RORA: variants seen among roughly 807,000 people sequenced by gnomAD.
RORA encodes RAR related orphan receptor A.
In RORA, 7 loss-of-function variants were observed where a neutral mutation model predicts 69.5. The observed-to-expected ratio is 0.10, with a 90% CI of 0.06 to 0.19. The LOEUF is 0.19. Among genes scored for constraint, RORA ranks in the 10% least tolerant of loss-of-function variants. RORA has a pLI of 1.00. For missense variants in RORA, 457 were observed against 663.0 expected (o/e 0.69, Z 3.41); for synonymous variants, 261 against 240.8 (o/e 1.08, Z -0.78).
Position 60,882,857 on chromosome 15 carries a change from T to C in RORA, c.167-204171A>G, listed in dbSNP as rs774532321. Among the ~76,000 whole-genome samples, 14 of 152,302 alleles carry C rather than the reference T, an allele frequency of 9.2e-5. No individual in the cohort carries two copies. In the South Asian group the frequency reaches 2.1e-3, roughly 23 times the overall value. On this transcript the variant is annotated intron_variant, in intron 1 of 10. Coordinates refer to ENST00000335670, the MANE Select transcript of RORA (RefSeq NM_134261.3). ...TTTATAAGCAGAAAGAATAAGAAAC[T>C]ATTTTTATTTTGAAAAACTATATAG...
intron 1 of RORA, among the ~76,000 whole-genome samples, chr15:60,899,119 C>T (rs1256623784): frequency 7.2e-5 from 11 of 152,334 alleles, no homozygotes; most frequent in South Asian, 2.1e-4. Context: ...ACAGAAACCA[C>T]GTCTTATCCT....
intron 1 of RORA, among the ~76,000 whole-genome samples, chr15:60,805,965 A>G (rs1248637199): frequency 6.6e-6 from 1 of 152,234 alleles, no homozygotes; most frequent in Non-Finnish European, 1.5e-5. Flanking sequence ...CGGAGGACCA[A>G]TTCTTCTCTC....
At chr15:60,559,259 A>T (rs1222101317) in intron 2 of RORA, among the ~76,000 whole-genome samples, 1 of 152,130 alleles carries the variant, frequency 6.6e-6, no homozygotes, top group Admixed American at 6.5e-5. Flanking sequence ...CCAACACTAA[A>T]TGGCCCTGGT....
rs983431522 is a variant in RORA at position 60,511,912 on chromosome 15, C to T, written c.425-291G>A. ...TCTGTTTCCCTGCTGTCACATCCCC[C>T]GTTTCCACTGCGCCCCACTGATAAC... On this transcript the variant is annotated intron_variant, in intron 4 of 10. Transcript: ENST00000335670. The surrounding 1 kb of genome is among the most constrained non-coding windows in gnomAD (Gnocchi z 6.4). The T allele has an allele frequency of 7.0e-5, 24 of 342,114 alleles. No individual in the cohort carries two copies. The highest frequency in any genetic ancestry group is 8.1e-5 in the Non-Finnish European group (15 of 185,600). 21.2% of individuals were successfully genotyped at this position (342,114 alleles called of 1,614,324 possible).
At chr15:60,772,032 TTTTTA>T (rs1207241612) in intron 1 of RORA, among the ~76,000 whole-genome samples, 1 of 152,070 alleles carries the variant, frequency 6.6e-6, no homozygotes, top group African/African-American at 2.4e-5. Context: ...CAAGGTGGGA[TTTTTA>T]TTTTATTATT....
Position 60,523,214 on chromosome 15 carries a change from C to T in RORA, c.283-8457G>A, listed in dbSNP as rs145425813. ...AGGAAGTGGTTCATGTCATTGTTGG[C>T]GAATGAATGAAGTTCCAAAATGTCT... On this transcript the variant is annotated intron_variant, in intron 3 of 10. Coordinates refer to ENST00000335670, the MANE Select transcript of RORA (RefSeq NM_134261.3). Among the ~76,000 whole-genome samples the T allele has an allele frequency of 2.3e-3, 348 of 152,180 alleles. 2 individuals are homozygous for T. Among genetic ancestry groups the T allele is most frequent in the Non-Finnish European group, 4.4e-3 (296 of 68,000 alleles).
chr15:60,726,820 C>T (rs1222349496), intron 1 of RORA, among the ~76,000 whole-genome samples: 2 of 151,856 alleles, frequency 1.3e-5, no homozygotes, highest in African/African-American at 4.8e-5. Context: ...CCCTGAGGGT[C>T]GTGGGGTAGA....
At chr15:60,636,060 T>C (rs1046870808) in intron 2 of RORA, among the ~76,000 whole-genome samples, 4 of 152,214 alleles carry the variant, frequency 2.6e-5, no homozygotes, top group African/African-American at 9.6e-5. Flanking sequence ...TTAAATAGTC[T>C]CTCTGTGTGA....
chr15:60,600,344 A>C (rs979411716), intron 2 of RORA, among the ~76,000 whole-genome samples: 13 of 152,226 alleles, frequency 8.5e-5, no homozygotes, highest in African/African-American at 3.1e-4. Flanking sequence ...AGTCAAGCAA[A>C]GTAATCAATT....
At position 61,022,684 on chromosome 15, in the gene RORA, C is replaced by A. The variant is rs1895592053; in HGVS notation, c.166+206369G>T. On this transcript the variant is annotated intron_variant, in intron 1 of 10. Coordinates refer to ENST00000335670, the MANE Select transcript of RORA (RefSeq NM_134261.3). ...GGGTAAAAATGTGACCCCCTAGACA[C>A]ATTGTGGCAAAGAGTGTACAGATTT... is the stretch of plus-strand genomic sequence containing the variant. 2.0e-5 allele frequency among the ~76,000 whole-genome samples: 3 copies of A among 152,102 alleles called. No homozygotes were observed. The South Asian group carries it at 6.2e-4, about 32-fold the overall frequency.
chr15:61,031,062 C>G (rs1043877332), intron 1 of RORA, among the ~76,000 whole-genome samples: 1 of 152,126 alleles, frequency 6.6e-6, no homozygotes, highest in African/African-American at 2.4e-5. Context: ...AACTGTTTAA[C>G]TGAACTAAAC....
At chr15:61,120,396 G>A (rs2079091193) in intron 1 of RORA, among the ~76,000 whole-genome samples, 1 of 152,020 alleles carries the variant, frequency 6.6e-6, no homozygotes, top group Non-Finnish European at 1.5e-5. Context: ...TTCCAAAGGA[G>A]GAATTTTAAA....
At chr15:61,103,496 C>T (rs2078909522) in intron 1 of RORA, among the ~76,000 whole-genome samples, 1 of 152,168 alleles carries the variant, frequency 6.6e-6, no homozygotes, top group South Asian at 2.1e-4. Flanking sequence ...CAGCAGAACC[C>T]TCCCCACATG....
intron 1 of RORA, among the ~76,000 whole-genome samples, chr15:60,694,982 C>T (rs934358262): frequency 2.0e-5 from 3 of 152,178 alleles, no homozygotes; most frequent in Non-Finnish European, 4.4e-5. Flanking sequence ...AAATCTCAGG[C>T]TTGCCATCTA....
At chr15:61,160,021 A>T (rs2140882424) in intron 1 of RORA, among the ~76,000 whole-genome samples, 1 of 152,298 alleles carries the variant, frequency 6.6e-6, no homozygotes, top group South Asian at 2.1e-4. Flanking sequence ...TGCGATCACC[A>T]GGTGTGTGAC....
At chr15:61,162,148 C>T (rs2079501181) in intron 1 of RORA, among the ~76,000 whole-genome samples, 1 of 152,092 alleles carries the variant, frequency 6.6e-6, no homozygotes, top group African/African-American at 2.4e-5. Flanking sequence ...AAATATTTCA[C>T]AGTAAAGAAA....
rs144982975 is a variant in RORA, at chr15:61,101,534, G to A, written c.166+127519C>T. 2.3e-3 allele frequency among the ~76,000 whole-genome samples: 352 copies of A among 152,094 alleles called. 1 individual carries two copies. The highest frequency in any genetic ancestry group is 8.0e-3 in the African/African-American group (333 of 41,500). On this transcript the variant is annotated intron_variant, in intron 1 of 10. Transcript: ENST00000335670. ...AATTCAGCAGCAGGAAGGGTAAACT[G>A]GAATGATCCTAGAAATTGAATCTCT...
chr15:60,983,539 C>T (rs1263305941), intron 1 of RORA, among the ~76,000 whole-genome samples: 1 of 152,166 alleles, frequency 6.6e-6, no homozygotes, highest in African/African-American at 2.4e-5. Flanking sequence ...GACATACACC[C>T]TCTATTCTGT....
intron 1 of RORA, among the ~76,000 whole-genome samples, chr15:61,177,739 T>C (rs541502971): frequency 1.3e-5 from 2 of 152,232 alleles, no homozygotes; most frequent in South Asian, 4.2e-4. Flanking sequence ...GGCAGGCAGA[T>C]CTCTTGAGGT....
Sources: gnomAD v4.1 joint callset for allele counts (sites outside exome capture counted in the v4.1 genomes callset) on GRCh38, gnomAD v4.1.1 for gene constraint, Gnocchi (gnomAD v3.1) non-coding constraint, MANE v1.5 for transcripts, NCBI Gene and HGNC (gene_info 2026-07-23, HGNC 2026-07-21) for gene names.